Variants in ADD1 observed in about 807,000 individuals in gnomAD.
ADD1 encodes alpha-adducin.
A neutral mutation model predicts 80.5 loss-of-function variants in ADD1; 24 were observed. The ratio of observed to expected loss-of-function variants is 0.30; its 90% CI spans 0.22 to 0.42. ADD1 has a LOEUF of 0.42. ADD1 is among the 10% of genes least tolerant of loss of function. ADD1 has a pLI of 1.00. For missense variants in ADD1, 948 were observed against 1,019.0 expected (o/e 0.93, Z 0.95); for synonymous variants, 373 against 393.8 (o/e 0.95, Z 0.63).
intron 15 of ADD1, among the ~76,000 whole-genome samples, chr4:2,927,587 C>T (rs540714102): frequency 6.6e-6 from 1 of 152,262 alleles, no homozygotes; most frequent in Non-Finnish European, 1.5e-5. Flanking sequence ...GATGGCCACT[C>T]CTGATGCTGG....
intron 1 of ADD1, among the ~76,000 whole-genome samples, chr4:2,848,415 G>A (rs12503220): frequency 0.18 from 27,572 of 152,010 alleles, 3,004 homozygotes; most frequent in South Asian, 0.42. Context: ...TAACTAATGT[G>A]TAACACTGTT....
intron 10 of ADD1, 109 bp from the exon 11 acceptor site, chr4:2,907,630 CCTCT>C (rs1737280450): frequency 1.1e-6 from 1 of 910,590 alleles, no homozygotes; most frequent in African/African-American, 1.6e-5. Flanking sequence ...TTGGTTCAGT[CCTCT>C]CTGTGATGTT....
At chr4:2,915,328 A>G (rs751984753) in intron 14 of ADD1, among the ~76,000 whole-genome samples, 4 of 152,204 alleles carry the variant, frequency 2.6e-5, no homozygotes, top group Non-Finnish European at 5.9e-5. Context: ...CAACATGGAG[A>G]AACCCCATCT....
chr4:2,882,907 C>A (rs188863277), intron 3 of ADD1, among the ~76,000 whole-genome samples: 1 of 152,182 alleles, frequency 6.6e-6, no homozygotes, highest in Non-Finnish European at 1.5e-5. Flanking sequence ...GTCTCCCAGG[C>A]TGGAGTGCAG....
At chr4:2,867,292 G>A (rs1311081818) in intron 1 of ADD1, among the ~76,000 whole-genome samples, 1 of 152,142 alleles carries the variant, frequency 6.6e-6, no homozygotes, top group Non-Finnish European at 1.5e-5. Flanking sequence ...ATTAGGTCTG[G>A]AGTTTGGGAT....
intron 2 of ADD1, among the ~76,000 whole-genome samples, chr4:2,878,731 A>G (rs1731755704): frequency 6.6e-6 from 1 of 152,180 alleles, no homozygotes. Context: ...TTGAGGCTGC[A>G]GTGAGCTATG....
chr4:2,908,316 C>T (rs1252545975), intron 11 of ADD1, among the ~76,000 whole-genome samples, 199 bp from the exon 12 acceptor site: 7 of 152,238 alleles, frequency 4.6e-5, no homozygotes, highest in African/African-American at 1.7e-4. Flanking sequence ...GGAATAGTCT[C>T]CATCCCTGCA....
At chr4:2,853,940 G>A (rs1727697829) in intron 1 of ADD1, among the ~76,000 whole-genome samples, 1 of 152,124 alleles carries the variant, frequency 6.6e-6, no homozygotes, top group South Asian at 2.1e-4. Context: ...CCGGAGAAAT[G>A]GCTTGTGTGC....
chr4:2,888,343 T>G (rs558334578), intron 4 of ADD1, among the ~76,000 whole-genome samples: 1 of 151,680 alleles, frequency 6.6e-6, no homozygotes, highest in African/African-American at 2.4e-5. Flanking sequence ...CCTCCCAAAG[T>G]GCTGGGATTA....
chr4:2,905,320 C>G (rs1158867570), intron 10 of ADD1: 1 of 588,044 alleles, frequency 1.7e-6, no homozygotes, highest in East Asian at 2.8e-5. Flanking sequence ...TGTAATGTAA[C>G]TCCGCAGTAG....
At chr4:2,925,981 A>T in intron 14 of ADD1, 33 bp from the exon 15 acceptor site, 1 of 1,600,132 alleles carries the variant, frequency 6.2e-7, no homozygotes, top group South Asian at 1.1e-5. Flanking sequence ...TGGCGTCCAC[A>T]GCTCCTACCA....
chr4:2,877,847 G>A (rs1731606730), intron 2 of ADD1, among the ~76,000 whole-genome samples: 1 of 152,176 alleles, frequency 6.6e-6, no homozygotes, highest in Non-Finnish European at 1.5e-5. Flanking sequence ...GTGGTGGCAT[G>A]CCCCGGCAAT....
chr4:2,918,004 G>A (rs902986555), intron 14 of ADD1, among the ~76,000 whole-genome samples: 6 of 152,088 alleles, frequency 3.9e-5, no homozygotes, highest in East Asian at 1.9e-4. Flanking sequence ...TTGGCCATAC[G>A]GGCTCTTTTT....
intron 1 of ADD1, among the ~76,000 whole-genome samples, chr4:2,852,187 TTTC>T (rs1261889891): frequency 9.9e-5 from 4 of 40,404 alleles, no homozygotes; most frequent in Non-Finnish European, 1.4e-4. Flanking sequence ...TCTTTCTTTC[TTTC>T]TTTCTTTCCT....
chr4:2,850,510 C>T (rs1726914429), intron 1 of ADD1, among the ~76,000 whole-genome samples: 1 of 152,174 alleles, frequency 6.6e-6, no homozygotes, highest in African/African-American at 2.4e-5. Flanking sequence ...ACTGCAAGCT[C>T]TGCCTCCCGG....
At chr4:2,879,289 C>T (rs1440295600) in intron 2 of ADD1, among the ~76,000 whole-genome samples, 1 of 152,136 alleles carries the variant, frequency 6.6e-6, no homozygotes, top group East Asian at 1.9e-4. Context: ...ACTTACAGGT[C>T]GTCTGAAATG....
rs941609357 is a variant in ADD1 at position 2,926,511 on chromosome 4, C to T, written c.2047+399C>T. 9.4e-6 allele frequency: 9 copies of T among 960,294 alleles called. No individual in the cohort carries two copies. The highest frequency in any genetic ancestry group is 8.1e-5 in the African/African-American group (5 of 61,818). The allele number at this position is 960,294 out of a possible 1,614,324, so 59.5% of individuals were successfully genotyped here. On this transcript the variant is annotated intron_variant, in intron 15 of 15. Transcript: ENST00000683351. This position sits in a 1 kb window ranked among gnomAD's most constrained non-coding sequence, Gnocchi z 5.0. ...TGTGTGATCCCGGGTGTCTGTCCCT[C>T]GGTCTCGTACATCCATGTCTCTCGT... is the stretch of plus-strand genomic sequence containing the variant.
chr4:2,882,398 T>C (rs770830509), intron 3 of ADD1, among the ~76,000 whole-genome samples: 71 of 152,240 alleles, frequency 4.7e-4, no homozygotes, highest in Non-Finnish European at 9.4e-4. Flanking sequence ...ATTTCTTACC[T>C]AGCATTCTTC....
chr4:2,911,448 ATT>A lies in ADD1; in HGVS notation c.1791+2032_1791+2033del, dbSNP rs33935514. 8.7e-4 allele frequency among the ~76,000 whole-genome samples: 113 copies of A among 130,482 alleles called. 1 individual carries two copies. The highest frequency in any genetic ancestry group is 2.2e-3 in the Admixed American group (29 of 12,936). The allele number at this position is 130,482 out of a possible 152,430, so 85.6% of individuals were successfully genotyped here. A position where few individuals can be genotyped will look rare whatever the true frequency, so the allele number is the denominator to read the frequency against. ...CTGAAATACATATATATATATATAT[ATT>A]TTTTTTTTTTTTTTGAGACAGGGTC... On this transcript the variant is annotated intron_variant, in intron 13 of 15. Transcript: ENST00000683351.
Sources: gnomAD v4.1 joint callset for allele counts (sites outside exome capture counted in the v4.1 genomes callset) on GRCh38, gnomAD v4.1.1 for gene constraint, Gnocchi (gnomAD v3.1) non-coding constraint, MANE v1.5 for transcripts, NCBI Gene and HGNC (gene_info 2026-07-23, HGNC 2026-07-21) for gene names.